Variants in RBFOX1 observed in about 807,000 individuals in gnomAD.
RBFOX1 encodes the protein RNA binding fox-1 homolog 1.
Under a neutral mutation model 57.7 loss-of-function variants are expected in RBFOX1, and 8 were observed. The observed-to-expected ratio is 0.14, with a 90% CI of 0.08 to 0.25. The LOEUF (loss-of-function observed/expected upper bound fraction) is 0.25. Ranked by LOEUF, RBFOX1 falls within the 10% of genes least tolerant of loss-of-function variation. RBFOX1 has a pLI of 1.00. For missense variants in RBFOX1, 611 were observed against 548.5 expected, an observed-to-expected ratio of 1.11 and a Z score of -1.14; for synonymous variants, 326 against 222.4, an observed-to-expected ratio of 1.47 and a Z score of -4.15.
intron 3 of RBFOX1, among the ~76,000 whole-genome samples, chr16:6,921,810 C>T (rs1164737315): frequency 4.0e-5 from 6 of 151,588 alleles, no homozygotes; most frequent in African/African-American, 7.3e-5. Flanking sequence ...ACATAATCAC[C>T]ATGTAACTTT....
intron 2 of RBFOX1, among the ~76,000 whole-genome samples, chr16:6,611,537 C>A (rs969213035): frequency 6.6e-6 from 1 of 152,186 alleles, no homozygotes. Flanking sequence ...GGTACTCATA[C>A]AACTTGACAT....
At chr16:5,695,121 A>T (rs1175412107) in intron 3 of RBFOX1, among the ~76,000 whole-genome samples, 2 of 152,100 alleles carry the variant, frequency 1.3e-5, no homozygotes, top group African/African-American at 4.8e-5. Flanking sequence ...TAGTCCTACA[A>T]CCTTGACATA....
chr16:6,692,160 A>T (rs1162800463), intron 3 of RBFOX1, among the ~76,000 whole-genome samples: 1 of 152,226 alleles, frequency 6.6e-6, no homozygotes, highest in African/African-American at 2.4e-5. Flanking sequence ...CCTATTTTAC[A>T]GATGACAAAA....
intron 1 of RBFOX1, among the ~76,000 whole-genome samples, chr16:5,436,164 C>G (rs1057247227): frequency 3.3e-5 from 5 of 152,200 alleles, no homozygotes; most frequent in South Asian, 2.1e-4. Context: ...TCATGCCTTT[C>G]TCTGGGGAGA....
At chr16:6,189,411 A>G (rs2097128118) in intron 1 of RBFOX1, among the ~76,000 whole-genome samples, 2 of 152,210 alleles carry the variant, frequency 1.3e-5, no homozygotes, top group African/African-American at 4.8e-5. Flanking sequence ...TCAGCTGTTA[A>G]TGCAGAGTCG....
At chr16:7,342,751 G>A (rs1438881618) in intron 4 of RBFOX1, among the ~76,000 whole-genome samples, 1 of 152,016 alleles carries the variant, frequency 6.6e-6, no homozygotes, top group African/African-American at 2.4e-5. Flanking sequence ...TCTGGGTGGT[G>A]TGAAACCACC....
chr16:6,468,497 G>C (rs1279906453), intron 2 of RBFOX1, among the ~76,000 whole-genome samples: 2 of 152,120 alleles, frequency 1.3e-5, no homozygotes, highest in African/African-American at 2.4e-5. Context: ...GAGATTATGA[G>C]TGATGCATCA....
At chr16:6,433,726 TG>T (rs1255966442) in intron 2 of RBFOX1, among the ~76,000 whole-genome samples, 2 of 152,154 alleles carry the variant, frequency 1.3e-5, no homozygotes, top group African/African-American at 2.4e-5. Context: ...TTCCTGTTTC[TG>T]GGGACTGCCA....
intron 1 of RBFOX1, among the ~76,000 whole-genome samples, chr16:5,403,596 C>T (rs2066780705): frequency 1.3e-5 from 2 of 152,016 alleles, no homozygotes; most frequent in African/African-American, 2.4e-5. Context: ...AGGTGCATGA[C>T]ACCATGCCCA....
Position 6,708,547 on chromosome 16 carries a change from T to G in RBFOX1, c.-16+53897T>G, listed in dbSNP as rs187534899. 4.7e-3 allele frequency among the ~76,000 whole-genome samples: 709 copies of G among 152,318 alleles called. 11 individuals are homozygous for G. Among genetic ancestry groups the G allele is most frequent in the Non-Finnish European group, 4.8e-3 (329 of 68,026 alleles). On this transcript the variant is annotated intron_variant, in intron 3 of 15. Coordinates refer to ENST00000550418, the MANE Select transcript of RBFOX1 (RefSeq NM_018723.4). ...TTGGACAATTTCGCACAAATATGTTTTTTGCCCAATGATTTAAGATGCTCT... is the reference window on the plus strand; with the variant it reads ...TTGGACAATTTCGCACAAATATGTTGTTTGCCCAATGATTTAAGATGCTCT...
chr16:7,028,571 G>C lies in RBFOX1; in HGVS notation c.-15-23486G>C, dbSNP rs535254529. Among the ~76,000 whole-genome samples the C allele has an allele frequency of 1.7e-3, 182 of 105,738 alleles. 2 individuals are homozygous for C. Among genetic ancestry groups the C allele is most frequent in the Non-Finnish European group, 2.9e-3 (167 of 58,284 alleles). The allele number at this position is 105,738 out of a possible 152,430, so 69.4% of individuals were successfully genotyped here. ...CATTGCACTCCAACCTGGGCAATAA[G>C]AGTGAAACTCCCTCACACACACACA... is the stretch of plus-strand genomic sequence containing the variant. On this transcript the variant is annotated intron_variant, in intron 3 of 15. Transcript: ENST00000550418.
At chr16:7,568,587 C>A (rs926833533) in intron 5 of RBFOX1, among the ~76,000 whole-genome samples, 1 of 152,016 alleles carries the variant, frequency 6.6e-6, no homozygotes, top group Non-Finnish European at 1.5e-5. Flanking sequence ...CATCCTGTGA[C>A]TTAGATTGCC....
At chr16:6,533,893 A>C (rs543489598) in intron 2 of RBFOX1, among the ~76,000 whole-genome samples, 2 of 152,268 alleles carry the variant, frequency 1.3e-5, no homozygotes, top group African/African-American at 2.4e-5. Flanking sequence ...TCAAAATTAA[A>C]AACTTTGTCC....
At chr16:5,936,347 T>C (rs562042835) in intron 4 of RBFOX1, among the ~76,000 whole-genome samples, 3 of 152,264 alleles carry the variant, frequency 2.0e-5, no homozygotes, top group African/African-American at 7.2e-5. Flanking sequence ...TGGTCTCAAA[T>C]GCCTGACCTC....
At chr16:7,213,306 C>G (rs1399845263) in intron 4 of RBFOX1, among the ~76,000 whole-genome samples, 2 of 152,158 alleles carry the variant, frequency 1.3e-5, no homozygotes, top group Non-Finnish European at 2.9e-5. Flanking sequence ...CTTAAAAAAT[C>G]ACGTTGCATG....
At chr16:5,924,332 A>G (rs1019606635) in intron 4 of RBFOX1, among the ~76,000 whole-genome samples, 1 of 152,146 alleles carries the variant, frequency 6.6e-6, no homozygotes, top group Non-Finnish European at 1.5e-5. Context: ...TCCAAACCTC[A>G]TGTTAAAATT....
intron 3 of RBFOX1, among the ~76,000 whole-genome samples, chr16:5,811,970 A>C (rs921440508): frequency 6.6e-6 from 1 of 152,218 alleles, no homozygotes; most frequent in Non-Finnish European, 1.5e-5. Context: ...AAACTCCAGG[A>C]AATGACTGAT....
At chr16:7,693,588 T>C (rs2077889284) in intron 14 of RBFOX1, among the ~76,000 whole-genome samples, 1 of 152,172 alleles carries the variant, frequency 6.6e-6, no homozygotes, top group South Asian at 2.1e-4. Context: ...TTTCTGGTTT[T>C]AATAATACAT....
intron 2 of RBFOX1, among the ~76,000 whole-genome samples, chr16:5,558,848 C>G (rs1406402098): frequency 6.6e-6 from 1 of 152,096 alleles, no homozygotes; most frequent in Non-Finnish European, 1.5e-5. Flanking sequence ...AGCAGGAGTT[C>G]TCAAAGGTCC....
Sources: allele counts gnomAD v4.1 joint callset (sites outside exome capture counted in the v4.1 genomes callset), GRCh38; gene constraint gnomAD v4.1.1; transcripts MANE v1.5; gene names NCBI Gene and HGNC (gene_info 2026-07-23, HGNC 2026-07-21).